The following KCND2 variants were observed in gnomAD, a reference collection of about 807,000 sequenced individuals.
KCND2 encodes A-type voltage-gated potassium channel KCND2.
Under a neutral mutation model 54.4 loss-of-function variants are expected in KCND2, and 16 were observed. The ratio of observed to expected loss-of-function variants is 0.29; its 90% confidence interval spans 0.20 to 0.45. The LOEUF is 0.45. Among genes scored for constraint, KCND2 ranks in the 20% least tolerant of loss-of-function variants. KCND2 has a pLI of 1.00. For synonymous variants in KCND2, 317 were observed against 310.7 expected, an observed-to-expected ratio of 1.02 and a Z score of -0.21; for missense variants, 486 against 824.2, an observed-to-expected ratio of 0.59 and a Z score of 5.02.
chr7:120,374,857 G>A (rs1439027491), intron 1 of KCND2, among the ~76,000 whole-genome samples: 2 of 151,888 alleles, frequency 1.3e-5, no homozygotes, highest in African/African-American at 4.8e-5. Flanking sequence ...ATCTTTTAAG[G>A]TGTATATCTG....
intron 1 of KCND2, among the ~76,000 whole-genome samples, chr7:120,622,234 G>A (rs1419158383): frequency 6.6e-6 from 1 of 152,088 alleles, no homozygotes; most frequent in African/African-American, 2.4e-5. Flanking sequence ...TGTTTTAAAA[G>A]AACTCAACAT....
At chr7:120,394,055 G>A (rs1405426075) in intron 1 of KCND2, among the ~76,000 whole-genome samples, 1 of 151,988 alleles carries the variant, frequency 6.6e-6, no homozygotes, top group Non-Finnish European at 1.5e-5. Context: ...TCAGAGATGG[G>A]AGGGGCTTGT....
chr7:120,700,571 A>G lies in KCND2; in HGVS notation c.1116-32332A>G, dbSNP rs371915727. On this transcript the variant is annotated intron_variant, in intron 1 of 5. Coordinates refer to ENST00000331113, the MANE Select transcript of KCND2 (RefSeq NM_012281.3). ...AACCCATGACATAAATAATCATCAA[A>G]ACATTATGGCCCCTTTCAACATCAA... Among the ~76,000 whole-genome samples the G allele has an allele frequency of 2.6e-4, 39 of 152,330 alleles. 2 individuals carry two copies. In the South Asian group the frequency reaches 3.5e-3, roughly 14 times the overall value.
At chr7:120,600,157 G>A (rs1436210070) in intron 1 of KCND2, among the ~76,000 whole-genome samples, 1 of 151,786 alleles carries the variant, frequency 6.6e-6, no homozygotes, top group Admixed American at 6.6e-5. Context: ...GGGAGAAGAT[G>A]GAGCCTGTTT....
At chr7:120,500,577 A>G (rs1250138689) in intron 1 of KCND2, among the ~76,000 whole-genome samples, 3 of 152,030 alleles carry the variant, frequency 2.0e-5, no homozygotes, top group Non-Finnish European at 4.4e-5. Context: ...ATGTTGAAAC[A>G]CTTTAAATAT....
intron 1 of KCND2, among the ~76,000 whole-genome samples, chr7:120,427,946 G>A (rs1210889824): frequency 2.0e-5 from 3 of 151,834 alleles, no homozygotes; most frequent in Non-Finnish European, 2.9e-5. Flanking sequence ...ATAACAATAG[G>A]GTACATATAT....
At chr7:120,516,618 G>A (rs1306103467) in intron 1 of KCND2, among the ~76,000 whole-genome samples, 4 of 152,108 alleles carry the variant, frequency 2.6e-5, no homozygotes, top group Non-Finnish European at 4.4e-5. Flanking sequence ...GCAAAAGTCT[G>A]TGTATTTACT....
chr7:120,387,852 T>G (rs971284476), intron 1 of KCND2, among the ~76,000 whole-genome samples: 2 of 152,014 alleles, frequency 1.3e-5, no homozygotes, highest in African/African-American at 4.8e-5. Context: ...AAAAATATAT[T>G]ATTGCTACCA....
intron 1 of KCND2, among the ~76,000 whole-genome samples, chr7:120,288,119 A>G (rs1799374861): frequency 6.6e-6 from 1 of 152,130 alleles, no homozygotes; most frequent in African/African-American, 2.4e-5. Context: ...CTGATTTTCT[A>G]ACATTGTCAA....
At chr7:120,543,831 A>G (rs1346122527) in intron 1 of KCND2, among the ~76,000 whole-genome samples, 1 of 152,016 alleles carries the variant, frequency 6.6e-6, no homozygotes, top group Non-Finnish European at 1.5e-5. Flanking sequence ...CTGTCTTCTG[A>G]ATAGTAGCTG....
intron 1 of KCND2, among the ~76,000 whole-genome samples, chr7:120,423,137 G>T (rs1049922521): frequency 6.6e-6 from 1 of 152,136 alleles, no homozygotes; most frequent in Non-Finnish European, 1.5e-5. Context: ...CTACCTTATT[G>T]TTTTGATACC....
intron 1 of KCND2, among the ~76,000 whole-genome samples, chr7:120,399,156 G>A (rs191859228): frequency 6.6e-6 from 1 of 151,640 alleles, no homozygotes; most frequent in Non-Finnish European, 1.5e-5. Context: ...GTTGGCTATT[G>A]TATATACTAT....
At chr7:120,466,128 T>G (rs1169542908) in intron 1 of KCND2, among the ~76,000 whole-genome samples, 2 of 152,088 alleles carry the variant, frequency 1.3e-5, no homozygotes, top group African/African-American at 4.8e-5. Flanking sequence ...ACAACCAGAG[T>G]GTCTGCAAAC....
At chr7:120,460,164 C>T (rs1301729660) in intron 1 of KCND2, among the ~76,000 whole-genome samples, 2 of 152,040 alleles carry the variant, frequency 1.3e-5, no homozygotes, top group East Asian at 1.9e-4. Flanking sequence ...TTTGTTATCT[C>T]GGGGTAGACT....
chr7:120,737,079 CAAAA>C (rs1173701435), intron 2 of KCND2, among the ~76,000 whole-genome samples: 1 of 82,498 alleles, frequency 1.2e-5, no homozygotes, highest in Admixed American at 1.2e-4. Context: ...CACACACAAA[CAAAA>C]AAAAAAAAAA....
At chr7:120,360,599 TCTAAATAAATTTTTA>T (rs1800578971) in intron 1 of KCND2, among the ~76,000 whole-genome samples, 1 of 152,116 alleles carries the variant, frequency 6.6e-6, no homozygotes, top group Admixed American at 6.6e-5. Context: ...GACTGAGTAG[TCTAAATAAATTTTTA>T]ATTAAGCATC....
chr7:120,692,031 A>G (rs754877605), intron 1 of KCND2, among the ~76,000 whole-genome samples: 7 of 152,186 alleles, frequency 4.6e-5, no homozygotes, highest in Admixed American at 1.3e-4. Context: ...TTAAAGGAGC[A>G]GTTTTGGTGA....
chr7:120,504,224 G>C (rs1228214796), intron 1 of KCND2, among the ~76,000 whole-genome samples: 1 of 151,866 alleles, frequency 6.6e-6, no homozygotes, highest in Non-Finnish European at 1.5e-5. Context: ...TGCCAAAGTG[G>C]TATTACTATG....
intron 1 of KCND2, among the ~76,000 whole-genome samples, chr7:120,656,371 T>G (rs1791803402): frequency 1.3e-5 from 2 of 152,156 alleles, no homozygotes. Context: ...TATATTACTG[T>G]GGACTGGACT....
Sources: gnomAD v4.1 joint callset for allele counts (sites outside exome capture counted in the v4.1 genomes callset) on GRCh38, gnomAD v4.1.1 for gene constraint, MANE v1.5 for transcripts, NCBI Gene and HGNC (gene_info 2026-07-23, HGNC 2026-07-21) for gene names.